CCDC88C: variants seen among roughly 807,000 people sequenced by gnomAD.
CCDC88C encodes the protein protein Daple.
In CCDC88C, 131 loss-of-function variants were observed where a neutral mutation model predicts 198.8. The ratio of observed to expected loss-of-function variants is 0.66; its 90% CI spans 0.57 to 0.76. CCDC88C has a LOEUF of 0.76. CCDC88C is among the 30% of genes least tolerant of loss of function. The pLI is 0.00. For synonymous variants in CCDC88C, 1,166 were observed against 1,114.7 expected (o/e 1.05, Z -0.92); for missense variants, 2,553 against 2,631.6 (o/e 0.97, Z 0.65).
intron 12 of CCDC88C, among the ~76,000 whole-genome samples, chr14:91,322,753 T>C (rs991779913): frequency 3.3e-5 from 5 of 152,188 alleles, no homozygotes; most frequent in African/African-American, 1.2e-4. Flanking sequence ...CCATCCCTTT[T>C]CACCTTCCCA....
rs528589625 is a variant in CCDC88C at position 91,327,091 on chromosome 14, G to A, written c.1051-1035C>T. Among the ~76,000 whole-genome samples the A allele has an allele frequency of 1.1e-4, 17 of 152,266 alleles. No individual in the cohort carries two copies. The South Asian group carries it at 2.9e-3, about 26-fold the overall frequency. On this transcript the variant is annotated intron_variant, in intron 10 of 29. Transcript: ENST00000389857. Reference sequence around the variant, plus strand: ...TTCCAAGCACCGCTCGGTATCTGGCGGGGAACTGAGCTTCCCCCAAATGCC... The same window carrying A: ...TTCCAAGCACCGCTCGGTATCTGGCAGGGAACTGAGCTTCCCCCAAATGCC...
rs556743871 is a variant in CCDC88C at position 91,354,884 on chromosome 14, A to G, written c.340+4758T>C. Among the ~76,000 whole-genome samples the G allele has an allele frequency of 2.6e-5, 4 of 152,362 alleles. No individual in the cohort carries two copies. The East Asian group carries it at 7.7e-4, about 29-fold the overall frequency. On this transcript the variant is annotated intron_variant, in intron 4 of 29. Coordinates refer to ENST00000389857, the MANE Select transcript of CCDC88C (RefSeq NM_001080414.4). ...AAAAAATAAGTGAACAGTATAGGCT[A>G]TTCACAGGTGCCAAAAGATATGGAG...
intron 3 of CCDC88C, among the ~76,000 whole-genome samples, chr14:91,399,468 G>T (rs983862250): frequency 6.6e-6 from 1 of 152,160 alleles, no homozygotes; most frequent in African/African-American, 2.4e-5. Context: ...CCTGCCACCT[G>T]CCAACCCCTC....
At chr14:91,320,087 C>T (rs1439260882) in intron 13 of CCDC88C, among the ~76,000 whole-genome samples, 1 of 148,488 alleles carries the variant, frequency 6.7e-6, no homozygotes, top group African/African-American at 2.5e-5. Flanking sequence ...AATTTCCTGG[C>T]ACAAGTTTCG....
chr14:91,326,415 G>A (rs1733024751), intron 10 of CCDC88C, among the ~76,000 whole-genome samples: 1 of 152,124 alleles, frequency 6.6e-6, no homozygotes, highest in African/African-American at 2.4e-5. Flanking sequence ...GTTTCATCAT[G>A]TTATCCAGGC....
chr14:91,325,058 T>C lies in CCDC88C; in HGVS notation c.1198-135A>G. 1 of 1,157,364 alleles carries C rather than the reference T, an allele frequency of 8.6e-7. No homozygotes were observed. The highest frequency in any genetic ancestry group is 1.2e-6 in the Non-Finnish European group (1 of 815,440). The allele number at this position is 1,157,364 out of a possible 1,614,324, so 71.7% of individuals were successfully genotyped here. ...TGGCTCACTTCCAAATAAACAGAGC[T>C]GCACAGAAACATCCCAACACAGGGC... On this transcript the variant is annotated intron_variant, in intron 11 of 29. Coordinates refer to ENST00000389857, the MANE Select transcript of CCDC88C (RefSeq NM_001080414.4). This position sits in a 1 kb window ranked among gnomAD's most constrained non-coding sequence, Gnocchi z 4.1.
rs1051133088 is a variant in CCDC88C at position 91,339,025 on chromosome 14, G to A, written c.809+253C>T. On this transcript the variant is annotated intron_variant, in intron 8 of 29. Coordinates refer to ENST00000389857, the MANE Select transcript of CCDC88C (RefSeq NM_001080414.4). This position sits in a 1 kb window ranked among gnomAD's most constrained non-coding sequence, Gnocchi z 5.8. ...TGAGCGTGGACTGGAGGCTGCTTCT[G>A]TGGACAACTTGCACCGTCTGGACGG... is the stretch of plus-strand genomic sequence containing the variant. 10 of 586,466 alleles carry A rather than the reference G, an allele frequency of 1.7e-5. No individual in the cohort carries two copies. Among genetic ancestry groups the A allele is most frequent in the African/African-American group, 5.5e-5 (3 of 54,128 alleles). The allele number at this position is 586,466 out of a possible 1,614,324, so 36.3% of individuals were successfully genotyped here. A position where few individuals can be genotyped will look rare whatever the true frequency, so the allele number is the denominator to read the frequency against.
chr14:91,330,856 T>G (rs1892795324), intron 10 of CCDC88C, among the ~76,000 whole-genome samples: 1 of 151,896 alleles, frequency 6.6e-6, no homozygotes, highest in Non-Finnish European at 1.5e-5. Context: ...GGTCTATGTG[T>G]GTGGGCTAAG....
At chr14:91,310,052 G>A in intron 15 of CCDC88C, 66 bp from the exon 16 acceptor site, 1 of 1,463,562 alleles carries the variant, frequency 6.8e-7, no homozygotes, top group Non-Finnish European at 9.1e-7. Flanking sequence ...CCAGGCGCCA[G>A]TCCCGCCCGG....
At chr14:91,322,904 CTTTTTTTTTT>C (rs35728972) in intron 12 of CCDC88C, among the ~76,000 whole-genome samples, 1 of 127,518 alleles carries the variant, frequency 7.8e-6, no homozygotes, top group South Asian at 2.6e-4. Context: ...CAGTGTTTCT[CTTTTTTTTTT>C]TTTTTTTTTG....
intron 4 of CCDC88C, among the ~76,000 whole-genome samples, chr14:91,347,209 C>T (rs1893581924): frequency 6.6e-6 from 1 of 152,218 alleles, no homozygotes. Flanking sequence ...TCAGCCCAAA[C>T]AGAAGTCAGG....
intron 4 of CCDC88C, among the ~76,000 whole-genome samples, chr14:91,353,203 C>G (rs1343647447): frequency 6.6e-6 from 1 of 152,188 alleles, no homozygotes; most frequent in Non-Finnish European, 1.5e-5. Context: ...CTTGCTGATC[C>G]TCATGAGACT....
intron 1 of CCDC88C, 138 bp downstream of exon 1, chr14:91,417,493 G>A (rs1445862246): frequency 1.0e-5 from 7 of 673,630 alleles, no homozygotes; most frequent in Non-Finnish European, 1.7e-5. Context: ...CCCCAACCCC[G>A]GCCGGGAGCC....
chr14:91,377,337 G>T (rs895864123), intron 3 of CCDC88C, among the ~76,000 whole-genome samples: 1 of 152,216 alleles, frequency 6.6e-6, no homozygotes, highest in South Asian at 2.1e-4. Flanking sequence ...CAGTTCACGC[G>T]CATGAGAGCC....
intron 1 of CCDC88C, 143 bp from the exon 2 acceptor site, chr14:91,416,981 C>A (rs1887094779): frequency 1.5e-6 from 1 of 687,254 alleles, no homozygotes; most frequent in Non-Finnish European, 2.6e-6. Context: ...CAGCAGGCAC[C>A]AAGCCCGGCC....
chr14:91,376,667 C>T (rs1342251877), intron 3 of CCDC88C, among the ~76,000 whole-genome samples: 1 of 152,218 alleles, frequency 6.6e-6, no homozygotes, highest in African/African-American at 2.4e-5. Flanking sequence ...AGCAGAGATG[C>T]GGAAGAGTGG....
chr14:91,272,507 G>A lies in CCDC88C; in HGVS notation c.*118C>T, dbSNP rs1003338642. On this transcript the variant is annotated 3_prime_UTR_variant, in exon 30 of 30. Coordinates refer to ENST00000389857, the MANE Select transcript of CCDC88C (RefSeq NM_001080414.4). ...CAGAACAAACAGCAGAAATGCGTGG[G>A]AACCCCTTTCCTCATTCCAAACCCT... is the stretch of plus-strand genomic sequence containing the variant. The A allele has an allele frequency of 4.8e-6, 5 of 1,039,634 alleles. No homozygotes were observed. The highest frequency in any genetic ancestry group is 7.0e-6 in the Non-Finnish European group (5 of 714,996). The allele number at this position is 1,039,634 out of a possible 1,614,324, so 64.4% of individuals were successfully genotyped here.
intron 3 of CCDC88C, among the ~76,000 whole-genome samples, chr14:91,389,945 G>A (rs1201868722): frequency 2.0e-5 from 3 of 151,886 alleles, no homozygotes; most frequent in Non-Finnish European, 4.4e-5. Context: ...GGTGGCGGGC[G>A]CCTGTAGTCC....
Position 91,416,855 on chromosome 14 carries a change from G to A in CCDC88C, c.61-17C>T. Reference sequence around the variant, plus strand: ...AGTTTTCACCTGCGGGGAGGGGGACGAGGAGAGAAAGACAGGAAGTCACCC... The same window carrying A: ...AGTTTTCACCTGCGGGGAGGGGGACAAGGAGAGAAAGACAGGAAGTCACCC... On this transcript the variant is annotated splice_polypyrimidine_tract_variant and intron_variant, in intron 1 of 29. Transcript: ENST00000389857. The A allele has an allele frequency of 1.3e-6, 2 of 1,583,908 alleles. No homozygotes were observed. The highest frequency in any genetic ancestry group is 1.7e-6 in the Non-Finnish European group (2 of 1,155,350).
Sources: gnomAD v4.1 joint callset for allele counts (sites outside exome capture counted in the v4.1 genomes callset) on GRCh38, gnomAD v4.1.1 for gene constraint, Gnocchi (gnomAD v3.1) non-coding constraint, MANE v1.5 for transcripts, NCBI Gene and HGNC (gene_info 2026-07-23, HGNC 2026-07-21) for gene names.